MGAT4C: variants seen among roughly 807,000 people sequenced by gnomAD.
MGAT4C encodes alpha-1,3-mannosyl-glycoprotein 4-beta-N-acetylglucosaminyltransferase C.
Under a neutral mutation model 40.1 loss-of-function variants are expected in MGAT4C, and 19 were observed. The ratio of observed to expected loss-of-function variants is 0.47; its 90% CI spans 0.33 to 0.70. The LOEUF (loss-of-function observed/expected upper bound fraction) is 0.70, where lower values mean the gene tolerates loss of function less well. MGAT4C is among the 30% of genes least tolerant of loss of function. MGAT4C has a pLI of 0.02. For missense variants in MGAT4C, 491 were observed against 563.2 expected, an observed-to-expected ratio of 0.87 and a Z score of 1.30; for synonymous variants, 181 against 187.1, an observed-to-expected ratio of 0.97 and a Z score of 0.27.
intron 4 of MGAT4C, among the ~76,000 whole-genome samples, chr12:86,327,133 T>C (rs570733302): frequency 3.3e-5 from 5 of 152,286 alleles, no homozygotes; most frequent in African/African-American, 1.2e-4. Context: ...CATTATCTTA[T>C]TATCCTATTT....
chr12:86,448,176 A>G (rs1282654900), intron 2 of MGAT4C, among the ~76,000 whole-genome samples: 1 of 152,202 alleles, frequency 6.6e-6, no homozygotes, highest in Non-Finnish European at 1.5e-5. Flanking sequence ...ACAGTCTCCC[A>G]GAATTCCATA....
At chr12:86,493,123 C>T (rs182765584) in intron 2 of MGAT4C, among the ~76,000 whole-genome samples, 2,882 of 150,692 alleles carry the variant, frequency 0.019, 56 homozygotes, top group Non-Finnish European at 0.029. Context: ...GTTAGAATGG[C>T]GATCATTAAA....
At chr12:86,754,625 G>A (rs1212527186) in intron 1 of MGAT4C, among the ~76,000 whole-genome samples, 1 of 151,996 alleles carries the variant, frequency 6.6e-6, no homozygotes, top group Non-Finnish European at 1.5e-5. Context: ...GTCTATTTAG[G>A]AAACCAAATA....
chr12:86,308,044 A>G (rs1312713952), intron 4 of MGAT4C, among the ~76,000 whole-genome samples: 1 of 149,958 alleles, frequency 6.7e-6, no homozygotes, highest in East Asian at 2.0e-4. Context: ...TACAATTTTT[A>G]TATTTGTATT....
At chr12:86,584,756 T>C (rs544455848) in intron 2 of MGAT4C, among the ~76,000 whole-genome samples, 11 of 151,442 alleles carry the variant, frequency 7.3e-5, no homozygotes, top group African/African-American at 2.7e-4. Context: ...AAGGTTATGA[T>C]TGCAACACTG....
chr12:85,958,915 G>T lies in MGAT4C; in HGVS notation c.*20374C>A, dbSNP rs950939239. The T allele has an allele frequency of 6.6e-6, 1 of 151,792 alleles. No individual in the cohort carries two copies. The highest frequency in any genetic ancestry group is 1.5e-5 in the Non-Finnish European group (1 of 67,932). 9.4% of individuals were successfully genotyped at this position (151,792 alleles called of 1,614,324 possible). A position where few individuals can be genotyped will look rare whatever the true frequency, so the allele number is the denominator to read the frequency against. On this transcript the variant is annotated 3_prime_UTR_variant, in exon 5 of 5. Transcript: ENST00000611864. The stretch of plus-strand genomic sequence containing the variant: ...AAAATTTTACAAACTTTATATTTTT[G>T]CATACACTTATCTTCCTGGCATTTT...
At position 85,975,570 on chromosome 12, in the gene MGAT4C, G is replaced by A. The variant is rs896120075; in HGVS notation, c.*3719C>T. ...AAAATCAAGTCTGTATGAACCTTCTGTTTTGTCTCCCATGAAGACAAAAGG... is the reference window on the plus strand; with the variant it reads ...AAAATCAAGTCTGTATGAACCTTCTATTTTGTCTCCCATGAAGACAAAAGG... On this transcript the variant is annotated 3_prime_UTR_variant, in exon 5 of 5. Transcript: ENST00000611864. 1 of 150,838 alleles carries A rather than the reference G, an allele frequency of 6.6e-6. No individual in the cohort carries two copies. The highest frequency in any genetic ancestry group is 1.5e-5 in the Non-Finnish European group (1 of 67,112). 9.3% of individuals were successfully genotyped at this position (150,838 alleles called of 1,614,324 possible).
chr12:86,781,988 T>TTTTA (rs1380070908), intron 1 of MGAT4C, among the ~76,000 whole-genome samples: 2 of 151,870 alleles, frequency 1.3e-5, no homozygotes, highest in African/African-American at 4.8e-5. Context: ...TTCATAGACT[T>TTTTA]TTTATTTATT....
At chr12:86,644,518 G>A (rs1963480202) in intron 2 of MGAT4C, among the ~76,000 whole-genome samples, 3 of 151,622 alleles carry the variant, frequency 2.0e-5, no homozygotes, top group Admixed American at 2.0e-4. Flanking sequence ...AATTGTATTA[G>A]AAAACTCTTA....
At chr12:86,385,264 G>T (rs1956029443) in intron 3 of MGAT4C, among the ~76,000 whole-genome samples, 1 of 151,980 alleles carries the variant, frequency 6.6e-6, no homozygotes, top group African/African-American at 2.4e-5. Flanking sequence ...ATAATAATAA[G>T]AATAATATAT....
At chr12:86,413,407 A>G (rs1216730899) in intron 3 of MGAT4C, among the ~76,000 whole-genome samples, 1 of 152,316 alleles carries the variant, frequency 6.6e-6, no homozygotes, top group Admixed American at 6.5e-5. Flanking sequence ...TGAATATGGG[A>G]CTTTGAAACT....
At chr12:86,180,137 T>C (rs1161398587) in intron 1 of MGAT4C, among the ~76,000 whole-genome samples, 1 of 152,218 alleles carries the variant, frequency 6.6e-6, no homozygotes, top group Non-Finnish European at 1.5e-5. Flanking sequence ...GAGCTTGGGC[T>C]CTGGGTTTAG....
intron 2 of MGAT4C, among the ~76,000 whole-genome samples, chr12:86,674,411 G>A (rs1032088907): frequency 4.6e-5 from 7 of 152,008 alleles, no homozygotes; most frequent in Admixed American, 3.3e-4. Context: ...AATCAATACA[G>A]ACTTTTTCAG....
intron 2 of MGAT4C, among the ~76,000 whole-genome samples, chr12:86,630,558 T>C (rs1406824348): frequency 6.6e-6 from 1 of 152,062 alleles, no homozygotes; most frequent in South Asian, 2.1e-4. Context: ...TCCACCAAGA[T>C]CAAGTTGGTT....
At chr12:86,155,770 C>G (rs2060311266) in intron 1 of MGAT4C, among the ~76,000 whole-genome samples, 1 of 151,768 alleles carries the variant, frequency 6.6e-6, no homozygotes, top group Admixed American at 6.6e-5. Flanking sequence ...CATATACACA[C>G]AAATTATGGT....
intron 1 of MGAT4C, among the ~76,000 whole-genome samples, chr12:86,768,190 T>C (rs1293895784): frequency 1.3e-5 from 2 of 152,120 alleles, no homozygotes; most frequent in African/African-American, 4.8e-5. Flanking sequence ...AAAATCAATG[T>C]ACAAAAATCA....
chr12:86,267,860 T>C (rs1273532914), intron 4 of MGAT4C, among the ~76,000 whole-genome samples: 2 of 152,170 alleles, frequency 1.3e-5, no homozygotes, highest in Admixed American at 6.5e-5. Flanking sequence ...TAGAATTATG[T>C]AGACGTATCA....
At chr12:86,609,428 C>G (rs1962166724) in intron 2 of MGAT4C, among the ~76,000 whole-genome samples, 1 of 151,974 alleles carries the variant, frequency 6.6e-6, no homozygotes, top group Non-Finnish European at 1.5e-5. Flanking sequence ...CATGAGAAGA[C>G]TGTTACTTTT....
intron 2 of MGAT4C, among the ~76,000 whole-genome samples, chr12:86,725,209 G>C (rs1416358117): frequency 6.6e-6 from 1 of 152,198 alleles, no homozygotes; most frequent in Non-Finnish European, 1.5e-5. Context: ...AGAAGCTAGA[G>C]TACACCAGAT....
Sources: allele counts gnomAD v4.1 joint callset (sites outside exome capture counted in the v4.1 genomes callset), GRCh38; gene constraint gnomAD v4.1.1; transcripts MANE v1.5; gene names NCBI Gene and HGNC (gene_info 2026-07-23, HGNC 2026-07-21).